Variants in RIF1 observed in about 807,000 individuals in gnomAD.
The protein encoded by RIF1 is telomere-associated protein RIF1.
A neutral mutation model predicts 247.1 loss-of-function variants in RIF1; 45 were observed. The observed-to-expected ratio is 0.18, with a 90% CI of 0.14 to 0.23. The LOEUF (loss-of-function observed/expected upper bound fraction) is 0.23, where lower values mean the gene tolerates loss of function less well. Among genes scored for constraint, RIF1 ranks in the 10% least tolerant of loss-of-function variants. The probability of loss-of-function intolerance (pLI) is 1.00; values close to 1 mark genes in which losing one functional copy is unlikely to be tolerated. For missense variants in RIF1, 2,967 were observed against 2,862.5 expected, an observed-to-expected ratio of 1.04 and a Z score of -0.83; for synonymous variants, 1,087 against 978.8, an observed-to-expected ratio of 1.11 and a Z score of -2.06.
rs1295211182 is a variant in RIF1 at position 151,455,079 on chromosome 2, G to A, written c.2529G>A (p.Gly843=). Reference sequence around the variant, plus strand: ...CCGGCATTATTTCCAGTGTACTTGGGCATATTTCTTTGCCTTCTATGATCC... The same window carrying A: ...CCGGCATTATTTCCAGTGTACTTGGACATATTTCTTTGCCTTCTATGATCC... ...SITGIISSVL[G]HISLPSMIRK... is the part of the protein sequence containing the mutation. The change falls in exon 22 of 36, where the codon GGG becomes GGA. Residue 843 remains glycine (G), a synonymous_variant. Coordinates refer to ENST00000444746, the MANE Select transcript of RIF1 (RefSeq NM_018151.5). 1 of 1,613,412 alleles carries A rather than the reference G, an allele frequency of 6.2e-7. No homozygotes were observed. Among genetic ancestry groups the A allele is most frequent in the Admixed American group, 1.7e-5 (1 of 59,994 alleles).
chr2:151,462,720 A>G (rs1266832515), intron 29 of RIF1, among the ~76,000 whole-genome samples, 164 bp from the exon 30 acceptor site: 2 of 152,100 alleles, frequency 1.3e-5, no homozygotes, highest in Admixed American at 1.3e-4. Context: ...AGGAACACAA[A>G]CTGTTAGGTA....
Position 151,464,738 on chromosome 2 carries a change from C to G in RIF1, c.5218C>G (p.Gln1740Glu). The change falls in exon 30 of 36, where the codon CAA (glutamine) becomes GAA (glutamate). Residue 1740 changes from glutamine (Q) to glutamate (E), a missense_variant. By Grantham distance (29) the Gln-to-Glu change is conservative (BLOSUM62 2). Coordinates refer to ENST00000444746, the MANE Select transcript of RIF1 (RefSeq NM_018151.5). ...TTGTGATTGCTGTGGGGAAAAATCA[C>G]AACCTCAGGAAAAGTCACTCATTGG... ...KGCDCCGEKSQPQEKSLIGLK... is the reference protein window; with the variant it reads ...KGCDCCGEKSEPQEKSLIGLK... The G allele has an allele frequency of 6.2e-7, 1 of 1,613,486 alleles. No individual in the cohort carries two copies. The highest frequency in any genetic ancestry group is 8.5e-7 in the Non-Finnish European group (1 of 1,179,806).
intron 34 of RIF1, among the ~76,000 whole-genome samples, chr2:151,472,148 C>A (rs1336695691): frequency 6.6e-6 from 1 of 152,202 alleles, no homozygotes; most frequent in East Asian, 1.9e-4. Context: ...AATGGGAGTT[C>A]ACTCATGATT....
the RIF1 span, among the ~76,000 whole-genome samples, chr2:151,523,101 T>G: frequency 6.6e-6 from 1 of 152,120 alleles, no homozygotes; most frequent in East Asian, 1.9e-4. Flanking sequence ...TGATATGACC[T>G]TGTACATTTA....
chr2:151,437,201 C>T, intron 12 of RIF1, 40 bp from the exon 13 acceptor site: 1 of 1,457,818 alleles, frequency 6.9e-7, no homozygotes, highest in Non-Finnish European at 9.6e-7. Context: ...TTTCATAAAT[C>T]TGTTGTTTTA....
downstream of RIF1, among the ~76,000 whole-genome samples, chr2:151,512,420 G>A (rs1317273460): frequency 6.6e-6 from 1 of 151,880 alleles, no homozygotes; most frequent in Non-Finnish European, 1.5e-5. Context: ...CAACCGCCTG[G>A]GCTCAATTGA....
In RIF1 at chr2:151,475,247, G is replaced by A; in HGVS notation, c.*176G>A. ...AAGTTCAATTTTGTAAGTTCATTAT[G>A]TAAGATCCTTTTTTTTTTCATAATA... On this transcript the variant is annotated 3_prime_UTR_variant, in exon 36 of 36. Transcript: ENST00000444746. 1.7e-6 allele frequency: 1 copy of A among 576,920 alleles called. No individual in the cohort carries two copies. The allele number at this position is 576,920 out of a possible 1,614,324, so 35.7% of individuals were successfully genotyped here. A position where few individuals can be genotyped will look rare whatever the true frequency, so the allele number is the denominator to read the frequency against.
At chr2:151,497,937 T>C (rs1198538948) in intron 10 of RIF1, 5 of 1,449,066 alleles carry the variant, frequency 3.5e-6, no homozygotes, top group Non-Finnish European at 3.6e-6. Context: ...CTGTCAGAGT[T>C]ATCCATGTTA....
At chr2:151,446,404 CT>C in intron 19 of RIF1, 21 bp from the exon 20 acceptor site, 2 of 1,605,716 alleles carry the variant, frequency 1.2e-6, no homozygotes, top group Admixed American at 1.7e-5. Flanking sequence ...AACAAAACTT[CT>C]TTTTTTGTTG....
At chr2:151,411,359 C>A in intron 3 of RIF1, 21 bp downstream of exon 3, 2 of 1,419,638 alleles carry the variant, frequency 1.4e-6, no homozygotes, top group Non-Finnish European at 1.9e-6. Flanking sequence ...GTTTGTTAAA[C>A]AGTTTTTCAC....
At chr2:151,431,647 C>T (rs750789946) in intron 9 of RIF1, among the ~76,000 whole-genome samples, 1 of 152,094 alleles carries the variant, frequency 6.6e-6, no homozygotes, top group Non-Finnish European at 1.5e-5. Context: ...GTTGGACGGG[C>T]ATGGTGGCAC....
At position 151,463,847 on chromosome 2, in the gene RIF1, C is replaced by T; in HGVS notation, c.4327C>T (p.Arg1443Ter). Residue 1443 changes from arginine (R) to a stop codon, truncating the protein, a stop_gained, in exon 30 of 36, where the codon CGA becomes TGA. Coordinates refer to ENST00000444746, the MANE Select transcript of RIF1 (RefSeq NM_018151.5). LOFTEE classifies it high-confidence loss of function. ...DKENSHQKKE[R>*]RKEEEKPLQK... ...GGAAAATAGTCATCAAAAAAAGGAA[C>T]GACGTAAGGAAGAAGAAAAACCTCT... 6.2e-7 allele frequency: 1 copy of T among 1,611,718 alleles called. No homozygotes were observed. Among genetic ancestry groups the T allele is most frequent in the Non-Finnish European group, 8.5e-7 (1 of 1,179,506 alleles).
In RIF1 at chr2:151,451,683, T is replaced by G. The variant is rs1247430518; in HGVS notation, c.2322T>G (p.Ile774Met). 7.0e-7 allele frequency: 1 copy of G among 1,433,678 alleles called. No individual in the cohort carries two copies. The highest frequency in any genetic ancestry group is 1.1e-5 in the South Asian group (1 of 87,182). The allele number at this position is 1,433,678 out of a possible 1,614,324, so 88.8% of individuals were successfully genotyped here. ...VDCIDFSPYN[I>M]KYQPKVKSPQ... ...GCATTGACTTCTCACCATATAATAT[T>G]AAATATCAGCCCAAAGTTAAATGTA... Residue 774 changes from isoleucine (I) to methionine (M), a missense_variant, in exon 21 of 36, where the codon ATT becomes ATG. By Grantham distance (10) the Ile-to-Met change is conservative. Around this residue, in one of 7 missense-constraint regions of RIF1, gnomAD observed 2,028 missense variants for 1,825.6 expected, o/e 1.11. Transcript: ENST00000444746.
the RIF1 span, chr2:151,524,413 C>T: frequency 6.2e-7 from 1 of 1,613,952 alleles, no homozygotes; most frequent in Non-Finnish European, 8.5e-7. Flanking sequence ...CTCTGTACTC[C>T]ACCTGAATCA....
intron 7 of RIF1, among the ~76,000 whole-genome samples, chr2:151,422,190 A>G (rs1173783796): frequency 1.3e-5 from 2 of 152,198 alleles, no homozygotes. Context: ...GAAATTCTTT[A>G]TATAAATTTG....
chr2:151,483,055 A>G (rs200372821), downstream of RIF1: 24 of 115,668 alleles, frequency 2.1e-4, no homozygotes, highest in East Asian at 2.3e-3. Context: ...CAAGGATCCT[A>G]TTTACAAGGT....
chr2:151,519,219 C>T, the RIF1 span: 4 of 658,846 alleles, frequency 6.1e-6, no homozygotes, highest in African/African-American at 1.8e-5. Context: ...AAGGCAGAAA[C>T]AACCCAAGTG....
chr2:151,440,509 C>G (rs1692091329), intron 15 of RIF1, among the ~76,000 whole-genome samples: 1 of 151,956 alleles, frequency 6.6e-6, no homozygotes, highest in Non-Finnish European at 1.5e-5. Flanking sequence ...AAGATAATGA[C>G]TTTGGTATTA....
chr2:151,467,443 C>T (rs1201154041), intron 30 of RIF1, among the ~76,000 whole-genome samples: 1 of 151,962 alleles, frequency 6.6e-6, no homozygotes, highest in East Asian at 2.0e-4. Context: ...CTCCCGGGTT[C>T]AAGCGATTCT....
Sources: allele counts gnomAD v4.1 joint callset (sites outside exome capture counted in the v4.1 genomes callset), GRCh38; gene constraint gnomAD v4.1.1; regional missense constraint gnomAD v4.1.1; transcripts MANE v1.5; gene names NCBI Gene and HGNC (gene_info 2026-07-23, HGNC 2026-07-21).